TBC1D5: variants seen among roughly 807,000 people sequenced by gnomAD.
TBC1D5 encodes the protein TBC1 domain family member 5.
In TBC1D5, 75 loss-of-function variants were observed where a neutral mutation model predicts 100.3. The ratio of observed to expected loss-of-function variants is 0.75; its 90% CI spans 0.62 to 0.91. TBC1D5 has a LOEUF of 0.91. Among genes scored for constraint, TBC1D5 ranks in the 40% least tolerant of loss-of-function variants. The probability of loss-of-function intolerance (pLI) is 0.00; values close to 1 mark genes in which losing one functional copy is unlikely to be tolerated. For missense variants in TBC1D5, 910 were observed against 942.4 expected (o/e 0.97, Z 0.45); for synonymous variants, 323 against 325.6 (o/e 0.99, Z 0.09).
At chr3:17,665,151 A>G (rs2067120802) in intron 1 of TBC1D5, 1 of 151,428 alleles carries the variant, frequency 6.6e-6, no homozygotes, top group Non-Finnish European at 1.5e-5. Context: ...TCAAGGTGCA[A>G]CTCTTAAACT....
chr3:17,457,123 T>C (rs1000526211), intron 3 of TBC1D5, among the ~76,000 whole-genome samples: 1 of 152,206 alleles, frequency 6.6e-6, no homozygotes, highest in Non-Finnish European at 1.5e-5. Context: ...ATTCTTTGTC[T>C]TTTGTTTTTA....
intron 1 of TBC1D5, among the ~76,000 whole-genome samples, chr3:17,647,618 A>G (rs1478059201): frequency 1.3e-5 from 2 of 152,138 alleles, no homozygotes; most frequent in African/African-American, 4.8e-5. Context: ...GTACTGAAAG[A>G]CTGTCACTGA....
chr3:17,716,012 G>A (rs1044036460), intron 1 of TBC1D5, among the ~76,000 whole-genome samples: 8 of 150,956 alleles, frequency 5.3e-5, no homozygotes, highest in Non-Finnish European at 8.9e-5. Context: ...AGACCATGCC[G>A]TTGGACTCCA....
intron 3 of TBC1D5, among the ~76,000 whole-genome samples, chr3:17,460,762 T>TAAA (rs574970085): frequency 1.4e-5 from 2 of 145,094 alleles, no homozygotes; most frequent in African/African-American, 5.0e-5. Flanking sequence ...TTATGACGGT[T>TAAA]AAAAAAAAAA....
chr3:17,336,992 T>C (rs1482270025), intron 13 of TBC1D5, among the ~76,000 whole-genome samples: 1 of 152,224 alleles, frequency 6.6e-6, no homozygotes, highest in South Asian at 2.1e-4. Context: ...GGCTTTATTA[T>C]TCCTTCCTAA....
At chr3:17,215,925 C>T (rs2073580280) in intron 17 of TBC1D5, among the ~76,000 whole-genome samples, 1 of 152,112 alleles carries the variant, frequency 6.6e-6, no homozygotes, top group African/African-American at 2.4e-5. Context: ...GATCTCAAGA[C>T]AATTTTATTA....
intron 3 of TBC1D5, among the ~76,000 whole-genome samples, chr3:17,466,813 A>G (rs73153018): frequency 0.091 from 13,776 of 151,934 alleles, 1,414 homozygotes; most frequent in African/African-American, 0.25. Flanking sequence ...TTTTTATCAA[A>G]CGTGACTCAA....
chr3:17,728,050 G>C (rs2076263222), intron 1 of TBC1D5, among the ~76,000 whole-genome samples: 1 of 152,070 alleles, frequency 6.6e-6, no homozygotes, highest in African/African-American at 2.4e-5. Context: ...ACTATGTCAA[G>C]AGAAACCCAA....
At chr3:17,496,940 CTG>C (rs1160714935) in intron 3 of TBC1D5, among the ~76,000 whole-genome samples, 1 of 152,160 alleles carries the variant, frequency 6.6e-6, no homozygotes, top group African/African-American at 2.4e-5. Flanking sequence ...TAGTCCCATC[CTG>C]TGTCATTCCC....
intron 2 of TBC1D5, among the ~76,000 whole-genome samples, chr3:17,618,563 C>T (rs891867313): frequency 9.9e-5 from 15 of 152,236 alleles, no homozygotes; most frequent in African/African-American, 3.1e-4. Context: ...CTGCCCAGTT[C>T]GAGCTTCCCG....
At chr3:17,610,791 T>G (rs1480318861) in intron 2 of TBC1D5, among the ~76,000 whole-genome samples, 1 of 152,082 alleles carries the variant, frequency 6.6e-6, no homozygotes, top group African/African-American at 2.4e-5. Context: ...CCGAGGCAAG[T>G]GGATCACCTG....
intron 2 of TBC1D5, among the ~76,000 whole-genome samples, chr3:17,591,229 C>G (rs1400093307): frequency 5.7e-5 from 1 of 17,544 alleles, no homozygotes. Context: ...AAGAAAGGAT[C>G]TGTCAAAAAA....
intron 2 of TBC1D5, among the ~76,000 whole-genome samples, chr3:17,511,237 A>G (rs1414822883): frequency 6.6e-6 from 1 of 152,058 alleles, no homozygotes. Flanking sequence ...CCCATGGGCA[A>G]CTATCTTAAT....
intron 3 of TBC1D5, among the ~76,000 whole-genome samples, chr3:17,446,898 G>A (rs888082094): frequency 1.3e-5 from 2 of 151,072 alleles, no homozygotes; most frequent in Non-Finnish European, 3.0e-5. Flanking sequence ...GTGAACCTGG[G>A]AGGCGGAGCT....
chr3:17,297,711 T>C (rs960978231), intron 14 of TBC1D5, among the ~76,000 whole-genome samples: 1 of 151,872 alleles, frequency 6.6e-6, no homozygotes, highest in African/African-American at 2.4e-5. Context: ...GCCTTCCTAG[T>C]GGCTGGGACT....
At chr3:17,477,088 AGTTT>A (rs2095446527) in intron 3 of TBC1D5, among the ~76,000 whole-genome samples, 1 of 151,892 alleles carries the variant, frequency 6.6e-6, no homozygotes, top group African/African-American at 2.4e-5. Context: ...CTCAATCCAC[AGTTT>A]GTTAACAGTT....
intron 1 of TBC1D5, among the ~76,000 whole-genome samples, chr3:17,701,331 T>C (rs1375710970): frequency 6.6e-6 from 1 of 151,612 alleles, no homozygotes; most frequent in Non-Finnish European, 1.5e-5. Flanking sequence ...TGTTAGGGGG[T>C]AGGGGGCTGG....
chr3:17,404,955 G>A lies in TBC1D5; in HGVS notation c.283C>T (p.Leu95Phe), dbSNP rs34457748. The change falls in exon 6 of 22, where the codon CTT (leucine) becomes TTT (phenylalanine). Residue 95 changes from leucine (L) to phenylalanine (F), a missense_variant. Leu to Phe is a conservative substitution (Grantham distance 22). Transcript: ENST00000253692. Reference sequence around the variant, plus strand: ...CTTTTGTCTTGAGGAAGAACACAAAGAAATAGCTGTCAAGAAAAACAGAAG... The same window carrying A: ...CTTTTGTCTTGAGGAAGAACACAAAAAAATAGCTGTCAAGAAAAACAGAAG... 3.9e-3 allele frequency: 6,156 copies of A among 1,578,902 alleles called. 26 individuals are homozygous for A. The highest frequency in any genetic ancestry group is 0.018 in the Middle Eastern group (99 of 5,446).
intron 18 of TBC1D5, among the ~76,000 whole-genome samples, chr3:17,188,613 TA>T (rs2069461657): frequency 6.6e-6 from 1 of 152,218 alleles, no homozygotes; most frequent in Admixed American, 6.5e-5. Context: ...TCAGACTTTA[TA>T]AATAGAAATG....
Sources: allele counts gnomAD v4.1 joint callset (sites outside exome capture counted in the v4.1 genomes callset), GRCh38; gene constraint gnomAD v4.1.1; transcripts MANE v1.5; gene names NCBI Gene and HGNC (gene_info 2026-07-23, HGNC 2026-07-21).